VPS54: variants seen among roughly 807,000 people sequenced by gnomAD.
The protein encoded by VPS54 is vacuolar protein sorting-associated protein 54.
In VPS54, 45 loss-of-function variants were observed where a neutral mutation model predicts 121.5. The ratio of observed to expected loss-of-function variants is 0.37; its 90% confidence interval spans 0.29 to 0.47. The LOEUF is 0.47. VPS54 is among the 20% of genes least tolerant of loss of function. The pLI is 0.99. For synonymous variants in VPS54, 371 were observed against 385.8 expected (o/e 0.96, Z 0.45); for missense variants, 1,090 against 1,131.4 (o/e 0.96, Z 0.52).
At chr2:63,987,202 G>A (rs1428818506) in intron 1 of VPS54, among the ~76,000 whole-genome samples, 1 of 152,184 alleles carries the variant, frequency 6.6e-6, no homozygotes, top group Admixed American at 6.5e-5. Context: ...ATAGTTTGAA[G>A]TCTTAGATTT....
Position 63,912,383 on chromosome 2 carries a change from C to T in VPS54, c.2587G>A (p.Ala863Thr), listed in dbSNP as rs754358650. The T allele has an allele frequency of 3.1e-6, 5 of 1,611,716 alleles. No individual in the cohort carries two copies. Among genetic ancestry groups the T allele is most frequent in the Non-Finnish European group, 3.4e-6 (4 of 1,178,728 alleles). ...HIAEISAKLV[A>T]IMDSLFDKLL... ...TTGTCAAATAAGCTATCCATTATCG[C>T]TACAAGCTTAGCTGATATTTCAGCT... Residue 863 changes from alanine to threonine, a missense_variant, in exon 20 of 23, where the codon GCG becomes ACG. Coordinates refer to ENST00000272322, the MANE Select transcript of VPS54 (RefSeq NM_016516.3).
chr2:63,920,033 C>G, intron 14 of VPS54, 38 bp from the exon 15 acceptor site: 1 of 1,508,474 alleles, frequency 6.6e-7, no homozygotes, highest in Non-Finnish European at 9.1e-7. Context: ...TAAACTTTAA[C>G]ATTTCAATAC....
intron 5 of VPS54, among the ~76,000 whole-genome samples, chr2:63,967,638 G>A (rs1269789533): frequency 6.7e-6 from 1 of 149,446 alleles, no homozygotes; most frequent in Non-Finnish European, 1.5e-5. Flanking sequence ...AGAATTGCTT[G>A]AACCTGGGAG....
At chr2:63,996,392 G>A (rs2119133) in intron 1 of VPS54, among the ~76,000 whole-genome samples, 3,404 of 152,180 alleles carry the variant, frequency 0.022, 117 homozygotes, top group Admixed American at 0.071. Flanking sequence ...CTTATAAGCT[G>A]AGGATGTATG....
chr2:63,944,552 T>C (rs1173766503), intron 10 of VPS54, 48 bp downstream of exon 10: 2 of 1,494,828 alleles, frequency 1.3e-6, no homozygotes, highest in Non-Finnish European at 1.9e-6. Flanking sequence ...TTTACATCTA[T>C]CATCTTTTCT....
chr2:63,904,725 T>C (rs772272630), intron 20 of VPS54, among the ~76,000 whole-genome samples: 1 of 152,168 alleles, frequency 6.6e-6, no homozygotes, highest in African/African-American at 2.4e-5. Context: ...CAGGACACTC[T>C]ACCCAGCAAC....
intron 1 of VPS54, among the ~76,000 whole-genome samples, chr2:64,003,305 T>C (rs1031165955): frequency 5.9e-5 from 9 of 152,344 alleles, no homozygotes; most frequent in East Asian, 3.9e-4. Flanking sequence ...ATTTTAACAA[T>C]TGTAATGAGA....
At chr2:64,018,785 A>T (rs1201432611) in intron 1 of VPS54, among the ~76,000 whole-genome samples, 153 bp downstream of exon 1, 1 of 147,954 alleles carries the variant, frequency 6.8e-6, no homozygotes, top group African/African-American at 2.5e-5. Context: ...GGAGAGGAGC[A>T]TGGAAGCTTC....
chr2:64,004,110 A>AT (rs1363546140), intron 1 of VPS54, among the ~76,000 whole-genome samples: 2 of 152,186 alleles, frequency 1.3e-5, no homozygotes, highest in South Asian at 2.1e-4. Context: ...ACTTGAGCAT[A>AT]TTTTTTTAAA....
Position 63,919,918 on chromosome 2 carries a change from T to C in VPS54, c.2129A>G (p.Asp710Gly). Residue 710 changes from aspartate to glycine, a missense_variant, in exon 15 of 23, where the codon GAT becomes GGT. By Grantham distance (94) the Asp-to-Gly change is moderately conservative. This residue lies in a region of VPS54 where 289 missense variants were observed against 374.4 expected (regional missense o/e 0.77). Coordinates refer to ENST00000272322, the MANE Select transcript of VPS54 (RefSeq NM_016516.3). ...TTTTTCAGGTAAAGCAATCTTCCCATCTGACAGAGAATCAACAAGATCCTG... is the reference window on the plus strand; with the variant it reads ...TTTTTCAGGTAAAGCAATCTTCCCACCTGACAGAGAATCAACAAGATCCTG... ...EFQDLVDSLS[D>G]GKIALPEKKS... is the part of the protein sequence containing the mutation. The C allele has an allele frequency of 6.2e-7, 1 of 1,611,944 alleles. No homozygotes were observed. The highest frequency in any genetic ancestry group is 1.1e-5 in the South Asian group (1 of 90,862).
At chr2:63,962,805 C>A (rs2104562883) in intron 6 of VPS54, among the ~76,000 whole-genome samples, 1 of 152,170 alleles carries the variant, frequency 6.6e-6, no homozygotes, top group East Asian at 1.9e-4. Context: ...CTCCTTAGCC[C>A]CCAATATCAT....
chr2:63,893,791 G>A (rs1672327058), intron 22 of VPS54, among the ~76,000 whole-genome samples: 2 of 152,128 alleles, frequency 1.3e-5, no homozygotes, highest in African/African-American at 4.8e-5. Flanking sequence ...TTCAGCCCAA[G>A]AAAATCAGAT....
chr2:63,972,232 G>A lies in VPS54; in HGVS notation c.391C>T (p.His131Tyr). ...QQEISQREKI[H>Y]ERCKNICPPK... ...GGACAAATATTCTTGCATCTCTCATGAATCTTCTCTCTCTAATAAAAAGAC... is the reference window on the plus strand; with the variant it reads ...GGACAAATATTCTTGCATCTCTCATAAATCTTCTCTCTCTAATAAAAAGAC... Residue 131 changes from histidine (H) to tyrosine (Y), a missense_variant, in exon 4 of 23, where the codon CAT (histidine) becomes TAT (tyrosine). His to Tyr is a moderately conservative substitution (Grantham distance 83). Transcript: ENST00000272322. 1 of 1,590,268 alleles carries A rather than the reference G, an allele frequency of 6.3e-7. No individual in the cohort carries two copies. The highest frequency in any genetic ancestry group is 1.3e-5 in the African/African-American group (1 of 74,758).
intron 7 of VPS54, among the ~76,000 whole-genome samples, chr2:63,954,321 AAAAAG>A (rs1472076214): frequency 6.6e-6 from 1 of 152,050 alleles, no homozygotes; most frequent in Admixed American, 6.6e-5. Context: ...GATAAAAATT[AAAAAG>A]AAAGAACTTA....
intron 3 of VPS54, among the ~76,000 whole-genome samples, chr2:63,980,962 A>G (rs1268588451): frequency 6.6e-6 from 1 of 152,142 alleles, no homozygotes; most frequent in Non-Finnish European, 1.5e-5. Flanking sequence ...GATGCTATAT[A>G]GTATTAATGT....
chr2:63,995,605 C>G (rs1197400218), intron 1 of VPS54, among the ~76,000 whole-genome samples: 1 of 152,218 alleles, frequency 6.6e-6, no homozygotes, highest in Non-Finnish European at 1.5e-5. Flanking sequence ...CAAGCCAATT[C>G]CACCAAATGT....
chr2:63,990,322 G>T (rs1019271933), intron 1 of VPS54, among the ~76,000 whole-genome samples: 1 of 150,086 alleles, frequency 6.7e-6, no homozygotes, highest in African/African-American at 2.5e-5. Flanking sequence ...ATAAGCTCCC[G>T]CGGCCACGAC....
At chr2:64,000,889 T>C (rs945330826) in intron 1 of VPS54, among the ~76,000 whole-genome samples, 9 of 152,204 alleles carry the variant, frequency 5.9e-5, no homozygotes, top group African/African-American at 1.9e-4. Flanking sequence ...CTACCGCCTA[T>C]GTTTGTTCAA....
intron 20 of VPS54, among the ~76,000 whole-genome samples, chr2:63,910,036 G>C (rs183852095): frequency 5.6e-4 from 85 of 152,058 alleles, no homozygotes; most frequent in African/African-American, 2.0e-3. Context: ...CCACTTATTA[G>C]CTTCTTAGAA....
Sources: allele counts gnomAD v4.1 joint callset (sites outside exome capture counted in the v4.1 genomes callset), GRCh38; gene constraint gnomAD v4.1.1; regional missense constraint gnomAD v4.1.1; transcripts MANE v1.5; gene names NCBI Gene and HGNC (gene_info 2026-07-23, HGNC 2026-07-21).